Variants in GABRA2 observed in about 807,000 individuals in gnomAD.
GABRA2 encodes gamma-aminobutyric acid receptor subunit alpha-2.
In GABRA2, 16 loss-of-function variants were observed where a neutral mutation model predicts 48.7. That is an observed-to-expected ratio of 0.33 (90% CI 0.22 to 0.50). The LOEUF (loss-of-function observed/expected upper bound fraction) is 0.50, where lower values mean the gene tolerates loss of function less well. GABRA2 is among the 20% of genes least tolerant of loss of function. GABRA2 has a pLI of 0.98. For synonymous variants in GABRA2, 185 were observed against 184.5 expected (o/e 1.00, Z -0.02); for missense variants, 275 against 535.6 (o/e 0.51, Z 4.80).
intron 8 of GABRA2, among the ~76,000 whole-genome samples, chr4:46,290,057 G>A (rs1469425832): frequency 6.7e-6 from 1 of 149,716 alleles, no homozygotes; most frequent in Admixed American, 6.7e-5. Flanking sequence ...GATTACAGGC[G>A]CCCGCCACCG....
chr4:46,285,605 C>T (rs1406649589), intron 8 of GABRA2, among the ~76,000 whole-genome samples: 1 of 151,966 alleles, frequency 6.6e-6, no homozygotes, highest in Non-Finnish European at 1.5e-5. Flanking sequence ...ACAAATAATT[C>T]ATTATTTTAT....
At position 46,245,397 on chromosome 4, in the gene GABRA2, A is replaced by G. The variant is rs1438618131; in HGVS notation, c.*4911T>C. On this transcript the variant is annotated 3_prime_UTR_variant, in exon 10 of 10. Coordinates refer to ENST00000381620, the MANE Select transcript of GABRA2 (RefSeq NM_000807.4). Reference sequence around the variant, plus strand: ...AAGATGTTTCTATTCTATCTCATGAAGCAGAATTGCAAGATCATTTTGAAT... The same window carrying G: ...AAGATGTTTCTATTCTATCTCATGAGGCAGAATTGCAAGATCATTTTGAAT... Among the ~76,000 whole-genome samples, 2 of 151,364 alleles carry G rather than the reference A, an allele frequency of 1.3e-5. No homozygotes were observed. Among genetic ancestry groups the G allele is most frequent in the Non-Finnish European group, 3.0e-5 (2 of 67,498 alleles).
chr4:46,281,842 T>C (rs948615258), intron 8 of GABRA2, among the ~76,000 whole-genome samples: 3 of 152,074 alleles, frequency 2.0e-5, no homozygotes, highest in Admixed American at 6.6e-5. Flanking sequence ...GGTTAATTAA[T>C]GCCATATTTA....
At chr4:46,274,129 A>T (rs1208858387) in intron 8 of GABRA2, among the ~76,000 whole-genome samples, 3 of 152,106 alleles carry the variant, frequency 2.0e-5, no homozygotes, top group Admixed American at 6.6e-5. Context: ...GCTGATGAAC[A>T]TTTCTATGTA....
chr4:46,385,885 G>C (rs1484649985), intron 3 of GABRA2, among the ~76,000 whole-genome samples, 189 bp downstream of exon 3: 2 of 151,982 alleles, frequency 1.3e-5, no homozygotes, highest in African/African-American at 4.8e-5. Context: ...TGAAAGATAT[G>C]TTAAATACAT....
intron 3 of GABRA2, among the ~76,000 whole-genome samples, chr4:46,353,133 T>A (rs755533042): frequency 2.6e-5 from 4 of 152,126 alleles, no homozygotes; most frequent in Non-Finnish European, 5.9e-5. Flanking sequence ...ACAATAATCA[T>A]ATTTAAGATA....
At chr4:46,388,522 C>T in intron 2 of GABRA2, 114 bp downstream of exon 2, 1 of 1,267,296 alleles carries the variant, frequency 7.9e-7, no homozygotes. Flanking sequence ...CCATACACCC[C>T]CTTTTCTGAG....
chr4:46,360,966 G>A (rs535221513), intron 3 of GABRA2, among the ~76,000 whole-genome samples: 1 of 152,250 alleles, frequency 6.6e-6, no homozygotes, highest in East Asian at 1.9e-4. Context: ...AGGGTATTTG[G>A]CAGAAGAAAT....
intron 3 of GABRA2, among the ~76,000 whole-genome samples, chr4:46,351,850 C>A (rs1735170638): frequency 6.6e-6 from 1 of 151,948 alleles, no homozygotes; most frequent in Non-Finnish European, 1.5e-5. Context: ...TGTTTTGATA[C>A]ACTATTAGGA....
At chr4:46,340,907 G>A (rs1254336508) in intron 3 of GABRA2, among the ~76,000 whole-genome samples, 1 of 151,828 alleles carries the variant, frequency 6.6e-6, no homozygotes, top group Non-Finnish European at 1.5e-5. Flanking sequence ...CTTTAAGGCT[G>A]TATTCGTTTC....
intron 6 of GABRA2, among the ~76,000 whole-genome samples, chr4:46,306,908 T>G (rs543260235): frequency 1.3e-5 from 2 of 152,020 alleles, no homozygotes; most frequent in African/African-American, 2.4e-5. Flanking sequence ...TGATTATGAG[T>G]TTGTGTTTTC....
At chr4:46,306,244 T>A (rs569156494) in intron 6 of GABRA2, among the ~76,000 whole-genome samples, 1 of 152,338 alleles carries the variant, frequency 6.6e-6, no homozygotes, top group South Asian at 2.1e-4. Flanking sequence ...ACGCTATACT[T>A]GCATCAAGTT....
intron 8 of GABRA2, among the ~76,000 whole-genome samples, chr4:46,266,718 CTT>C (rs35380341): frequency 3.2e-5 from 3 of 92,844 alleles, no homozygotes; most frequent in African/African-American, 8.8e-5. Flanking sequence ...CAAATATTCT[CTT>C]TTTTTTTTTT....
At chr4:46,388,081 A>G (rs912977828) in intron 2 of GABRA2, among the ~76,000 whole-genome samples, 1 of 152,194 alleles carries the variant, frequency 6.6e-6, no homozygotes, top group African/African-American at 2.4e-5. Flanking sequence ...AATCTTAATA[A>G]TGCAAAAAGT....
At chr4:46,309,714 A>G (rs1431016013) in intron 6 of GABRA2, among the ~76,000 whole-genome samples, 1 of 152,094 alleles carries the variant, frequency 6.6e-6, no homozygotes, top group Non-Finnish European at 1.5e-5. Context: ...TTAAGAAATA[A>G]AAAAGAAATC....
At chr4:46,384,518 A>G (rs1034450886) in intron 3 of GABRA2, among the ~76,000 whole-genome samples, 5 of 152,178 alleles carry the variant, frequency 3.3e-5, no homozygotes, top group African/African-American at 1.2e-4. Flanking sequence ...CTACCTAACC[A>G]TATACCCAGA....
intron 3 of GABRA2, among the ~76,000 whole-genome samples, chr4:46,348,997 G>T (rs279823): frequency 6.6e-6 from 1 of 151,692 alleles, no homozygotes; most frequent in Non-Finnish European, 1.5e-5. Flanking sequence ...CCTGATGATC[G>T]AGCAGCCAAC....
Position 46,247,103 on chromosome 4 carries a change from C to T in GABRA2, c.*3205G>A, listed in dbSNP as rs1239453870. ...TAAGAAAAAAAATTTAGAAACATGG[C>T]TCAAGGGGATCACTTATCCAAACCT... On this transcript the variant is annotated 3_prime_UTR_variant, in exon 10 of 10. Transcript: ENST00000381620. 1.3e-5 allele frequency among the ~76,000 whole-genome samples: 2 copies of T among 151,048 alleles called. No homozygotes were observed. Among genetic ancestry groups the T allele is most frequent in the African/African-American group, 4.8e-5 (2 of 41,262 alleles).
intron 1 of GABRA2, chr4:46,389,039 C>CAT (rs35410180): frequency 0.3 from 329,791 of 1,106,226 alleles, 50,466 homozygotes; most frequent in African/African-American, 0.36. Flanking sequence ...TTTGCGCACA[C>CAT]GTAATAATAA....
Sources: allele counts gnomAD v4.1 joint callset (sites outside exome capture counted in the v4.1 genomes callset), GRCh38; gene constraint gnomAD v4.1.1; transcripts MANE v1.5; gene names NCBI Gene and HGNC (gene_info 2026-07-23, HGNC 2026-07-21).